SLIT2: variants seen among roughly 807,000 people sequenced by gnomAD.
The protein encoded by SLIT2 is slit homolog 2 protein.
In SLIT2, 41 loss-of-function variants were observed where a neutral mutation model predicts 185.7. The ratio of observed to expected loss-of-function variants is 0.22; its 90% CI spans 0.17 to 0.29. The LOEUF (loss-of-function observed/expected upper bound fraction) is 0.29, where lower values mean the gene tolerates loss of function less well. Among genes scored for constraint, SLIT2 ranks in the 10% least tolerant of loss-of-function variants. SLIT2 has a pLI of 1.00. For missense variants in SLIT2, 1,571 were observed against 1,909.0 expected (o/e 0.82, Z 3.30); for synonymous variants, 693 against 680.2 (o/e 1.02, Z -0.29).
rs993602075 is a variant in SLIT2 at position 20,484,937 on chromosome 4, C to T, written c.540-1263C>T. Among the ~76,000 whole-genome samples, 3 of 152,130 alleles carry T rather than the reference C, an allele frequency of 2.0e-5. No homozygotes were observed. The highest frequency in any genetic ancestry group is 4.4e-5 in the Non-Finnish European group (3 of 68,002). On this transcript the variant is annotated intron_variant, in intron 6 of 36. Coordinates refer to ENST00000504154, the MANE Select transcript of SLIT2 (RefSeq NM_004787.4). This position sits in a 1 kb window ranked among gnomAD's most constrained non-coding sequence, Gnocchi z 4.3. Reference sequence around the variant, plus strand: ...TCTTGCCCATCATTGTATATTTTTGCACGTGGCCTGCTTCGCTCATTTCTG... The same window carrying T: ...TCTTGCCCATCATTGTATATTTTTGTACGTGGCCTGCTTCGCTCATTTCTG...
rs761858362 is a variant in SLIT2 at position 20,567,622 on chromosome 4, C to T, written c.2948+7C>T. Reference sequence around the variant, plus strand: ...GAGAAGAAGATGGATTCTGGTAGGTCATTAGTCTATGACCATCTGTGTCTG... The same window carrying T: ...GAGAAGAAGATGGATTCTGGTAGGTTATTAGTCTATGACCATCTGTGTCTG... On this transcript the variant is annotated splice_region_variant and intron_variant, in intron 28 of 36. Coordinates refer to ENST00000504154, the MANE Select transcript of SLIT2 (RefSeq NM_004787.4). 10 of 1,597,436 alleles carry T rather than the reference C, an allele frequency of 6.3e-6. No individual in the cohort carries two copies. The highest frequency in any genetic ancestry group is 8.6e-6 in the Non-Finnish European group (10 of 1,165,062).
At chr4:20,263,411 T>C (rs537603013) in intron 3 of SLIT2, among the ~76,000 whole-genome samples, 1 of 151,930 alleles carries the variant, frequency 6.6e-6, no homozygotes, top group African/African-American at 2.4e-5. Context: ...AGATGGACAG[T>C]TCTGGAGCAT....
intron 4 of SLIT2, among the ~76,000 whole-genome samples, chr4:20,314,776 A>G (rs139854124): frequency 6.6e-6 from 1 of 152,268 alleles, no homozygotes; most frequent in African/African-American, 2.4e-5. Context: ...GTAATTCACA[A>G]AGAACTGCAG....
At chr4:20,394,584 G>A (rs553214428) in intron 4 of SLIT2, 88 of 151,912 alleles carry the variant, frequency 5.8e-4, no homozygotes, top group African/African-American at 2.1e-3. Context: ...CTCATGGAGC[G>A]AGAGATCCAA....
intron 4 of SLIT2, among the ~76,000 whole-genome samples, chr4:20,387,521 C>CA (rs1725027598): frequency 6.6e-6 from 1 of 152,076 alleles, no homozygotes; most frequent in Non-Finnish European, 1.5e-5. Flanking sequence ...TGAAATATCT[C>CA]AGTGTCATGA....
At chr4:20,377,546 C>T (rs916178627) in intron 4 of SLIT2, among the ~76,000 whole-genome samples, 1 of 151,964 alleles carries the variant, frequency 6.6e-6, no homozygotes, top group Admixed American at 6.6e-5. Context: ...CGAATTGGAC[C>T]GCCTGGATTC....
chr4:20,595,474 T>C, intron 30 of SLIT2, among the ~76,000 whole-genome samples: 1 of 151,678 alleles, frequency 6.6e-6, no homozygotes, highest in Middle Eastern at 3.4e-3. Flanking sequence ...GGATGTTCAC[T>C]ATCAAGGAGA....
At chr4:20,264,082 G>T (rs1206864571) in intron 3 of SLIT2, among the ~76,000 whole-genome samples, 1 of 151,704 alleles carries the variant, frequency 6.6e-6, no homozygotes, top group Non-Finnish European at 1.5e-5. Context: ...GATAAAAGAG[G>T]GAGCAATATT....
intron 4 of SLIT2, among the ~76,000 whole-genome samples, chr4:20,363,609 C>G (rs1722899639): frequency 1.3e-5 from 2 of 152,008 alleles, no homozygotes; most frequent in Admixed American, 1.3e-4. Flanking sequence ...TTTTTAAAAA[C>G]TGCAGTGAAT....
At chr4:20,389,932 G>C (rs1474189597) in intron 4 of SLIT2, among the ~76,000 whole-genome samples, 2 of 151,964 alleles carry the variant, frequency 1.3e-5, no homozygotes, top group African/African-American at 4.8e-5. Context: ...CCAATCATCC[G>C]ATAAATACTC....
intron 11 of SLIT2, among the ~76,000 whole-genome samples, chr4:20,513,724 G>T (rs36000259): frequency 0.034 from 5,093 of 151,766 alleles, 124 homozygotes; most frequent in Non-Finnish European, 0.05. Context: ...AAGGGATAAG[G>T]ATAGCTGTGG....
intron 33 of SLIT2, among the ~76,000 whole-genome samples, chr4:20,608,377 C>T (rs1256233021): frequency 6.6e-6 from 1 of 152,114 alleles, no homozygotes; most frequent in African/African-American, 2.4e-5. Context: ...ACTTGGCATA[C>T]CCTCTTAGAA....
chr4:20,526,177 C>A (rs1285323710), intron 15 of SLIT2, among the ~76,000 whole-genome samples: 1 of 152,074 alleles, frequency 6.6e-6, no homozygotes, highest in Non-Finnish European at 1.5e-5. Context: ...TTAAGAAGAA[C>A]TCTGGGTTTA....
intron 5 of SLIT2, among the ~76,000 whole-genome samples, chr4:20,472,287 GAT>G (rs1560452839): frequency 2.7e-4 from 4 of 14,880 alleles, no homozygotes; most frequent in Non-Finnish European, 3.5e-4. Flanking sequence ...TATATATATA[GAT>G]ATATAGATAT....
intron 29 of SLIT2, among the ~76,000 whole-genome samples, chr4:20,577,742 G>A (rs1726196626): frequency 6.6e-6 from 1 of 152,226 alleles, no homozygotes; most frequent in African/African-American, 2.4e-5. Context: ...TGCATGGTCT[G>A]TAGGAGTAGA....
At chr4:20,410,519 G>A (rs1727159536) in intron 4 of SLIT2, among the ~76,000 whole-genome samples, 2 of 151,754 alleles carry the variant, frequency 1.3e-5, no homozygotes, top group Middle Eastern at 6.8e-3. Context: ...CTCTCAAAGT[G>A]CTGGGATTAC....
At chr4:20,478,825 A>G (rs755054267) in intron 5 of SLIT2, among the ~76,000 whole-genome samples, 1 of 151,996 alleles carries the variant, frequency 6.6e-6, no homozygotes, top group Non-Finnish European at 1.5e-5. Flanking sequence ...AGATATATAT[A>G]TAGCACTTTA....
rs903258201 is a variant in SLIT2 at position 20,253,695 on chromosome 4, C to G, written c.-121C>G. 8.0e-5 allele frequency: 95 copies of G among 1,193,280 alleles called. No individual in the cohort carries two copies. The highest frequency in any genetic ancestry group is 9.6e-5 in the Non-Finnish European group (81 of 842,516). 73.9% of individuals were successfully genotyped at this position (1,193,280 alleles called of 1,614,324 possible). A position where few individuals can be genotyped will look rare whatever the true frequency, so the allele number is the denominator to read the frequency against. ...TTCCATATTATTTGGTGCACATTTTCCCTGGCACTCTGGGTTGCTAGCCCC... is the reference window on the plus strand; with the variant it reads ...TTCCATATTATTTGGTGCACATTTTGCCTGGCACTCTGGGTTGCTAGCCCC... On this transcript the variant is annotated 5_prime_UTR_variant, in exon 1 of 37. Coordinates refer to ENST00000504154, the MANE Select transcript of SLIT2 (RefSeq NM_004787.4).
intron 4 of SLIT2, among the ~76,000 whole-genome samples, chr4:20,456,401 C>T (rs1352527930): frequency 6.6e-6 from 1 of 152,076 alleles, no homozygotes; most frequent in African/African-American, 2.4e-5. Context: ...TTTCTTCTTA[C>T]CAGACCATCC....
Sources: gnomAD v4.1 joint callset for allele counts (sites outside exome capture counted in the v4.1 genomes callset) on GRCh38, gnomAD v4.1.1 for gene constraint, Gnocchi (gnomAD v3.1) non-coding constraint, MANE v1.5 for transcripts, NCBI Gene and HGNC (gene_info 2026-07-23, HGNC 2026-07-21) for gene names.